MEF2C: variants seen among roughly 807,000 people sequenced by gnomAD.
MEF2C encodes myocyte enhancer factor 2C, also known as myocyte-specific enhancer factor 2C.
A neutral mutation model predicts 50.5 loss-of-function variants in MEF2C; 6 were observed. That is an observed-to-expected ratio of 0.12 (90% CI 0.07 to 0.23). MEF2C has a LOEUF of 0.23. Among genes scored for constraint, MEF2C ranks in the 10% least tolerant of loss-of-function variants. The pLI, the probability that MEF2C is intolerant of heterozygous loss-of-function variation, is 1.00. For synonymous variants in MEF2C, 183 were observed against 228.0 expected, an observed-to-expected ratio of 0.80 and a Z score of 1.78; for missense variants, 276 against 605.0, an observed-to-expected ratio of 0.46 and a Z score of 5.70.
chr5:88,767,367 C>T (rs903485041), intron 3 of MEF2C, among the ~76,000 whole-genome samples: 6 of 152,008 alleles, frequency 3.9e-5, no homozygotes, highest in Admixed American at 2.6e-4. Flanking sequence ...TACTATCTCT[C>T]CCTGTAGTAC....
chr5:88,883,856 C>T (rs1833681929), upstream of MEF2C: 1 of 152,194 alleles, frequency 6.6e-6, no homozygotes, highest in African/African-American at 2.4e-5. Flanking sequence ...TAAATTACTC[C>T]ACTACACTAC....
intron 1 of MEF2C, chr5:88,880,803 A>G (rs956722967): frequency 4.6e-5 from 7 of 152,064 alleles, no homozygotes; most frequent in South Asian, 4.1e-4. Flanking sequence ...TGAAAAGTTA[A>G]TATCTGTGAT....
chr5:88,850,360 G>C (rs538912069), intron 1 of MEF2C, among the ~76,000 whole-genome samples: 2 of 152,272 alleles, frequency 1.3e-5, no homozygotes, highest in Middle Eastern at 3.4e-3. Context: ...ATGAAATGGA[G>C]GCAAAGAGGA....
At chr5:88,788,927 T>C (rs995499914) in intron 3 of MEF2C, among the ~76,000 whole-genome samples, 3 of 152,158 alleles carry the variant, frequency 2.0e-5, no homozygotes, top group Non-Finnish European at 1.5e-5. Flanking sequence ...TTATGTCCTA[T>C]TGAAATAACT....
At chr5:88,820,571 T>A (rs2153204663) in intron 2 of MEF2C, among the ~76,000 whole-genome samples, 1 of 152,170 alleles carries the variant, frequency 6.6e-6, no homozygotes, top group East Asian at 1.9e-4. Flanking sequence ...ACATAACTTA[T>A]TCTGTGTATA....
chr5:88,880,522 G>A (rs566122280), intron 1 of MEF2C, among the ~76,000 whole-genome samples: 1 of 152,214 alleles, frequency 6.6e-6, no homozygotes, highest in East Asian at 1.9e-4. Flanking sequence ...ATAAACAGAA[G>A]AAAGTTTTAA....
chr5:88,875,147 T>C (rs1361525537), intron 1 of MEF2C, among the ~76,000 whole-genome samples: 2 of 152,072 alleles, frequency 1.3e-5, no homozygotes, highest in Admixed American at 1.3e-4. Context: ...TTTTAGACTA[T>C]AGTTTCAGAT....
intron 1 of MEF2C, among the ~76,000 whole-genome samples, chr5:88,877,002 T>C (rs184444272): frequency 1.6e-3 from 245 of 152,118 alleles, no homozygotes; most frequent in Middle Eastern, 3.4e-3. Context: ...AAGTTTTGGG[T>C]ACTTAATTTA....
chr5:88,772,387 T>C (rs913904381), intron 3 of MEF2C: 7 of 152,268 alleles, frequency 4.6e-5, no homozygotes, highest in African/African-American at 1.4e-4. Context: ...TTACGTTCAG[T>C]TGACAGCCAG....
chr5:88,838,503 T>C, intron 1 of MEF2C: 1 of 945,102 alleles, frequency 1.1e-6, no homozygotes, highest in Non-Finnish European at 1.3e-6. Context: ...ATTGTCTTCC[T>C]GATAATGGGT....
chr5:88,825,631 A>T, intron 1 of MEF2C: 5 of 984,960 alleles, frequency 5.1e-6, no homozygotes, highest in Non-Finnish European at 4.8e-6. Flanking sequence ...CATATATTTG[A>T]TGTTGCTAGA....
chr5:88,792,393 T>A (rs1315989423), intron 3 of MEF2C, among the ~76,000 whole-genome samples: 1 of 152,116 alleles, frequency 6.6e-6, no homozygotes, highest in Non-Finnish European at 1.5e-5. Context: ...TTATGGTGAG[T>A]GTTTAGTTCC....
At chr5:88,767,788 G>A (rs998652797) in intron 3 of MEF2C, among the ~76,000 whole-genome samples, 2 of 152,138 alleles carry the variant, frequency 1.3e-5, no homozygotes, top group African/African-American at 2.4e-5. Flanking sequence ...AGATTTGAAA[G>A]CCTTTTCATG....
chr5:88,903,667 A>G (rs1835891735), intron 1 of MEF2C, among the ~76,000 whole-genome samples: 1 of 152,112 alleles, frequency 6.6e-6, no homozygotes, highest in Admixed American at 6.5e-5. Flanking sequence ...CCAAATATTG[A>G]AAACAGTAAT....
intron 1 of MEF2C, among the ~76,000 whole-genome samples, chr5:88,870,383 AC>A (rs1359085868): frequency 1.3e-5 from 2 of 152,108 alleles, no homozygotes; most frequent in African/African-American, 4.8e-5. Flanking sequence ...CTTTAAAAAA[AC>A]CTGTAAAAGT....
intron 3 of MEF2C, among the ~76,000 whole-genome samples, chr5:88,768,155 T>C (rs554853485): frequency 6.6e-6 from 1 of 152,346 alleles, no homozygotes; most frequent in East Asian, 1.9e-4. Flanking sequence ...TTTCCCACTA[T>C]AGTCTTAATC....
chr5:88,857,416 G>C (rs1354089053), intron 1 of MEF2C, among the ~76,000 whole-genome samples: 1 of 152,102 alleles, frequency 6.6e-6, no homozygotes, highest in Non-Finnish European at 1.5e-5. Flanking sequence ...TCGACTTTTG[G>C]GTTAATATTA....
At chr5:88,789,294 G>T (rs943851391) in intron 3 of MEF2C, among the ~76,000 whole-genome samples, 1 of 151,754 alleles carries the variant, frequency 6.6e-6, no homozygotes, top group Non-Finnish European at 1.5e-5. Context: ...AGTCTCCTGC[G>T]TAGCTAGGAG....
chr5:88,724,824 C>G (rs1757981873), intron 10 of MEF2C, among the ~76,000 whole-genome samples: 1 of 152,026 alleles, frequency 6.6e-6, no homozygotes, highest in Non-Finnish European at 1.5e-5. Context: ...AAGAATTTTC[C>G]TGGCTCTAAG....
Sources: gnomAD v4.1 joint callset for allele counts (sites outside exome capture counted in the v4.1 genomes callset) on GRCh38, gnomAD v4.1.1 for gene constraint, MANE v1.5 for transcripts, NCBI Gene and HGNC (gene_info 2026-07-23, HGNC 2026-07-21) for gene names.